Variants in PDZRN4 observed in about 807,000 individuals in gnomAD.
PDZRN4 encodes PDZ domain-containing RING finger protein 4.
A neutral mutation model predicts 99.0 loss-of-function variants in PDZRN4; 70 were observed. The ratio of observed to expected loss-of-function variants is 0.71; its 90% CI spans 0.58 to 0.86. The LOEUF is 0.86. Ranked by LOEUF, PDZRN4 falls within the 40% of genes least tolerant of loss-of-function variation. The pLI is 0.00. For missense variants in PDZRN4, 1,474 were observed against 1,331.2 expected (o/e 1.11, Z -1.67); for synonymous variants, 551 against 501.6 (o/e 1.10, Z -1.32).
chr12:41,551,429 A>G (rs773060011), intron 5 of PDZRN4, among the ~76,000 whole-genome samples: 61 of 152,040 alleles, frequency 4.0e-4, no homozygotes, highest in Admixed American at 2.4e-3. Flanking sequence ...ATTCTTATCA[A>G]CTTTCATAAT....
At chr12:41,317,053 T>C (rs28556922) in intron 3 of PDZRN4, among the ~76,000 whole-genome samples, 382 of 12,656 alleles carry the variant, frequency 0.03, 23 homozygotes, top group Admixed American at 0.063. Context: ...ATAAAGTATA[T>C]ATATATATAT....
At chr12:41,213,112 C>A (rs957263781) in intron 3 of PDZRN4, among the ~76,000 whole-genome samples, 9 of 152,040 alleles carry the variant, frequency 5.9e-5, no homozygotes, top group African/African-American at 9.7e-5. Context: ...AAATTATATC[C>A]TCCCCCATTT....
chr12:41,561,977 C>A (rs186479988), intron 7 of PDZRN4, among the ~76,000 whole-genome samples: 53 of 152,236 alleles, frequency 3.5e-4, no homozygotes, highest in African/African-American at 1.2e-3. Context: ...AGTCAGTACA[C>A]ACATACTTTT....
chr12:41,564,965 A>G (rs891936658), intron 8 of PDZRN4, among the ~76,000 whole-genome samples: 1 of 152,174 alleles, frequency 6.6e-6, no homozygotes, highest in African/African-American at 2.4e-5. Flanking sequence ...TGCCCTTTCC[A>G]TGTAACTGCT....
intron 3 of PDZRN4, among the ~76,000 whole-genome samples, chr12:41,411,290 A>G (rs1322129265): frequency 1.3e-5 from 2 of 152,070 alleles, no homozygotes; most frequent in African/African-American, 4.8e-5. Flanking sequence ...TCCTATTTGT[A>G]GTACTAGTCT....
chr12:41,316,562 T>C (rs1243253354), intron 3 of PDZRN4, among the ~76,000 whole-genome samples: 1 of 151,724 alleles, frequency 6.6e-6, no homozygotes, highest in Non-Finnish European at 1.5e-5. Context: ...AAATATTTAT[T>C]ATAACCTATG....
At chr12:41,377,026 CTAGTTGACTATA>C (rs1249091135) in intron 3 of PDZRN4, among the ~76,000 whole-genome samples, 1 of 152,106 alleles carries the variant, frequency 6.6e-6, no homozygotes, top group East Asian at 1.9e-4. Flanking sequence ...TTATCAAATA[CTAGTTGACTATA>C]TATGCCTGGG....
At chr12:41,401,115 A>T (rs1952285956) in intron 3 of PDZRN4, among the ~76,000 whole-genome samples, 1 of 152,130 alleles carries the variant, frequency 6.6e-6, no homozygotes, top group African/African-American at 2.4e-5. Flanking sequence ...AGACAATTGA[A>T]ATTTTCTGTG....
At chr12:41,416,209 A>C (rs535280085) in intron 3 of PDZRN4, among the ~76,000 whole-genome samples, 2 of 152,358 alleles carry the variant, frequency 1.3e-5, no homozygotes, top group Non-Finnish European at 2.9e-5. Flanking sequence ...CTCTGTAGAC[A>C]TACATCCACT....
chr12:41,279,771 A>G (rs1377786433), intron 3 of PDZRN4, among the ~76,000 whole-genome samples: 2 of 152,258 alleles, frequency 1.3e-5, no homozygotes, highest in Non-Finnish European at 2.9e-5. Flanking sequence ...TAATTATAGT[A>G]GTATTGAGGA....
chr12:41,226,493 A>C (rs1041096913), intron 3 of PDZRN4, among the ~76,000 whole-genome samples: 4 of 152,196 alleles, frequency 2.6e-5, no homozygotes, highest in South Asian at 2.1e-4. Context: ...TTGTTGAAGG[A>C]ATAAGGAATT....
chr12:41,378,866 T>A (rs1399047279), intron 3 of PDZRN4, among the ~76,000 whole-genome samples: 2 of 152,120 alleles, frequency 1.3e-5, no homozygotes, highest in Non-Finnish European at 2.9e-5. Context: ...GAATTGGCAT[T>A]AATTATTATT....
chr12:41,253,144 C>G (rs998776377), intron 3 of PDZRN4, among the ~76,000 whole-genome samples: 3 of 151,986 alleles, frequency 2.0e-5, no homozygotes, highest in Non-Finnish European at 4.4e-5. Flanking sequence ...TGATTGTTTC[C>G]CTTGCTGTGC....
intron 3 of PDZRN4, among the ~76,000 whole-genome samples, chr12:41,401,484 T>A (rs990969935): frequency 6.6e-6 from 1 of 152,200 alleles, no homozygotes; most frequent in African/African-American, 2.4e-5. Context: ...TTGCATTTAC[T>A]ATCCATTAAT....
rs191658854 is a variant in PDZRN4, at chr12:41,384,583, C to T, written c.844-121873C>T. On this transcript the variant is annotated intron_variant, in intron 3 of 9. Coordinates refer to ENST00000402685, the MANE Select transcript of PDZRN4 (RefSeq NM_001164595.2). ...TGTCCTCCGCTCTTGGAATGGGTTA[C>T]TTCCTAGGACAGCACATCCTAGCTA... Among the ~76,000 whole-genome samples the T allele has an allele frequency of 9.9e-5, 15 of 152,270 alleles. No individual in the cohort carries two copies. In the East Asian group the frequency reaches 1.7e-3, roughly 18 times the overall value.
chr12:41,337,586 A>G (rs1951784910), intron 3 of PDZRN4, among the ~76,000 whole-genome samples: 1 of 152,168 alleles, frequency 6.6e-6, no homozygotes, highest in African/African-American at 2.4e-5. Context: ...TTGGTTCTTC[A>G]GAGAAGCCCA....
intron 3 of PDZRN4, among the ~76,000 whole-genome samples, chr12:41,360,785 T>C (rs893268233): frequency 3.9e-5 from 6 of 152,018 alleles, no homozygotes; most frequent in African/African-American, 1.4e-4. Context: ...AGGAAGAGAA[T>C]GGAAAAGTTG....
At chr12:41,306,507 C>T (rs546768593) in intron 3 of PDZRN4, among the ~76,000 whole-genome samples, 1 of 152,308 alleles carries the variant, frequency 6.6e-6, no homozygotes, top group Non-Finnish European at 1.5e-5. Context: ...GGCAATGTTT[C>T]GACTGGGGTG....
intron 3 of PDZRN4, among the ~76,000 whole-genome samples, chr12:41,442,719 T>G (rs981014): frequency 0.54 from 81,742 of 151,930 alleles, 22,999 homozygotes; most frequent in African/African-American, 0.72. Context: ...ATTTATATTG[T>G]GAAGTAGGAC....
Sources: gnomAD v4.1 joint callset for allele counts (sites outside exome capture counted in the v4.1 genomes callset) on GRCh38, gnomAD v4.1.1 for gene constraint, MANE v1.5 for transcripts, NCBI Gene and HGNC (gene_info 2026-07-23, HGNC 2026-07-21) for gene names.